The following ZBTB40 variants were observed in gnomAD, a reference collection of about 807,000 sequenced individuals.
ZBTB40 encodes zinc finger and BTB domain-containing protein 40.
In ZBTB40, 60 loss-of-function variants were observed where a neutral mutation model predicts 117.5. The ratio of observed to expected loss-of-function variants is 0.51; its 90% CI spans 0.41 to 0.63. The LOEUF is 0.63. Among genes scored for constraint, ZBTB40 ranks in the 30% least tolerant of loss-of-function variants. The pLI, the probability that ZBTB40 is intolerant of heterozygous loss-of-function variation, is 0.00. For synonymous variants in ZBTB40, 525 were observed against 577.1 expected (o/e 0.91, Z 1.29); for missense variants, 1,287 against 1,498.5 (o/e 0.86, Z 2.33).
intron 1 of ZBTB40, chr1:22,452,768 G>T (rs1640911843): frequency 6.6e-6 from 1 of 152,102 alleles, no homozygotes; most frequent in African/African-American, 2.4e-5. Context: ...AAAACTGCGC[G>T]ATGCACCGAG....
rs199547454 is a variant in ZBTB40 at position 22,526,410 on chromosome 1, C to T, written c.*14C>T. The stretch of plus-strand genomic sequence containing the variant: ...GAGGCCAAATGAGCAGCCTTTCATC[C>T]GGCAGAGCCTTCCTGCGTTTGCAGC... On this transcript the variant is annotated 3_prime_UTR_variant, in exon 18 of 18. Transcript: ENST00000375647. The T allele has an allele frequency of 1.1e-3, 1,821 of 1,613,676 alleles. 6 individuals are homozygous for T. Among genetic ancestry groups the T allele is most frequent in the Non-Finnish European group, 1.3e-3 (1,590 of 1,180,010 alleles).
At chr1:22,446,725 C>T (rs928582779) in intron 1 of ZBTB40, among the ~76,000 whole-genome samples, 5 of 151,878 alleles carry the variant, frequency 3.3e-5, no homozygotes, top group East Asian at 1.9e-4. Flanking sequence ...CTTTCTCAGA[C>T]GAACAAAAAT....
At chr1:22,484,165 A>G (rs1303069388) in intron 1 of ZBTB40, among the ~76,000 whole-genome samples, 2 of 152,222 alleles carry the variant, frequency 1.3e-5, no homozygotes, top group African/African-American at 4.8e-5. Context: ...TTAAAATAGT[A>G]AATGTTGAAG....
At chr1:22,482,527 A>C (rs1240363107) in intron 1 of ZBTB40, among the ~76,000 whole-genome samples, 2 of 152,142 alleles carry the variant, frequency 1.3e-5, no homozygotes, top group African/African-American at 4.8e-5. Context: ...ATCAGGGTTC[A>C]CTGTTGGTGT....
At position 22,430,806 on chromosome 1, in the gene ZBTB40, G is replaced by A. The variant is rs537700332; in HGVS notation, c.-70+1792G>A. ...TTTATATATTGTCCTTACCCCATGGGTTAATTAGAGATATAGTTTTTAGTT... is the reference window on the plus strand; with the variant it reads ...TTTATATATTGTCCTTACCCCATGGATTAATTAGAGATATAGTTTTTAGTT... On this transcript the variant is annotated intron_variant, in intron 1 of 8. Coordinates refer to the ZBTB40 transcript ENST00000650433. 3.9e-5 allele frequency among the ~76,000 whole-genome samples: 6 copies of A among 152,140 alleles called. No homozygotes were observed. The South Asian group carries it at 1.2e-3, about 32-fold the overall frequency.
intron 1 of ZBTB40, among the ~76,000 whole-genome samples, chr1:22,437,928 C>T (rs568722910): frequency 2.6e-3 from 395 of 151,570 alleles, no homozygotes; most frequent in Non-Finnish European, 3.6e-3. Context: ...GTCGGGAGTT[C>T]GAGACCAGCC....
chr1:22,489,161 A>G lies in ZBTB40; in HGVS notation c.-69-719A>G, dbSNP rs371225261. Among the ~76,000 whole-genome samples, 58 of 152,298 alleles carry G rather than the reference A, an allele frequency of 3.8e-4. 1 individual carries two copies. Among genetic ancestry groups the G allele is most frequent in the African/African-American group, 1.3e-3 (55 of 41,558 alleles). On this transcript the variant is annotated intron_variant, in intron 1 of 17. Coordinates refer to ENST00000375647, the MANE Select transcript of ZBTB40 (RefSeq NM_014870.4). Reference sequence around the variant, plus strand: ...AGTTGGAGGTCTACATCAGGAGTTCAGAGGAACAGGCTGAGCCAGAGACAT... The same window carrying G: ...AGTTGGAGGTCTACATCAGGAGTTCGGAGGAACAGGCTGAGCCAGAGACAT...
intron 8 of ZBTB40, 88 bp downstream of exon 8, chr1:22,508,819 T>A: frequency 7.3e-7 from 1 of 1,365,754 alleles, no homozygotes; most frequent in Non-Finnish European, 1.0e-6. Flanking sequence ...CTCTTAACGG[T>A]AGTCACCTAC....
intron 1 of ZBTB40, among the ~76,000 whole-genome samples, chr1:22,457,817 C>T (rs541731402): frequency 1.2e-4 from 19 of 152,312 alleles, no homozygotes; most frequent in African/African-American, 3.8e-4. Context: ...CTGCTAATTT[C>T]GTCCTATTTC....
intron 1 of ZBTB40, among the ~76,000 whole-genome samples, chr1:22,437,684 C>T (rs1016848728): frequency 8.6e-5 from 13 of 151,808 alleles, no homozygotes; most frequent in African/African-American, 1.2e-4. Context: ...CCTCCCAAAG[C>T]GCTGGGATTA....
At chr1:22,500,240 A>C (rs1489042836) in intron 3 of ZBTB40, among the ~76,000 whole-genome samples, 1 of 152,152 alleles carries the variant, frequency 6.6e-6, no homozygotes, top group Non-Finnish European at 1.5e-5. Flanking sequence ...TGTTTATTTT[A>C]CCACTGGGGT....
At chr1:22,449,608 T>C (rs1640831665), upstream of ZBTB40, among the ~76,000 whole-genome samples, 1 of 152,246 alleles carries the variant, frequency 6.6e-6, no homozygotes, top group African/African-American at 2.4e-5. Flanking sequence ...TGGGGTGTGT[T>C]GGGAGATGTC....
chr1:22,450,626 A>G (rs1021537740), upstream of ZBTB40, among the ~76,000 whole-genome samples: 16 of 152,130 alleles, frequency 1.1e-4, no homozygotes, highest in African/African-American at 3.9e-4. Context: ...CTGGGCAAAC[A>G]AAGTGCTATT....
Position 22,526,334 on chromosome 1 carries a change from G to A in ZBTB40, c.3658G>A (p.Ala1220Thr). The change falls in exon 18 of 18, where the codon GCG becomes ACG. Residue 1220 changes from alanine to threonine, a missense_variant. Around this residue, in one of 2 missense-constraint regions of ZBTB40, gnomAD observed 417 missense variants for 564.1 expected, o/e 0.74. Coordinates refer to ENST00000375647, the MANE Select transcript of ZBTB40 (RefSeq NM_014870.4). ...QASQASSELV[A>T]VTVEDLLDGT... ...ATCTCAGGCCAGCTCTGAGCTCGTG[G>A]CGGTGACTGTGGAGGACTTGCTGGA... 6.2e-7 allele frequency: 1 copy of A among 1,614,216 alleles called. No individual in the cohort carries two copies. The highest frequency in any genetic ancestry group is 8.5e-7 in the Non-Finnish European group (1 of 1,180,044).
intron 1 of ZBTB40, among the ~76,000 whole-genome samples, chr1:22,465,588 G>A (rs561085492): frequency 6.6e-6 from 1 of 152,208 alleles, no homozygotes; most frequent in African/African-American, 2.4e-5. Context: ...TCTGCCTGCT[G>A]TTGTTCATGG....
chr1:22,443,497 C>T (rs949306061), intron 1 of ZBTB40, among the ~76,000 whole-genome samples: 2 of 152,254 alleles, frequency 1.3e-5, no homozygotes, highest in African/African-American at 4.8e-5. Flanking sequence ...GAGTTGAAGT[C>T]AGCAGAAAGA....
chr1:22,462,800 A>C (rs1293219725), intron 1 of ZBTB40, among the ~76,000 whole-genome samples: 2 of 152,228 alleles, frequency 1.3e-5, no homozygotes, highest in African/African-American at 4.8e-5. Context: ...TTCCTGGCTT[A>C]GTCTCATTCC....
intron 1 of ZBTB40, among the ~76,000 whole-genome samples, chr1:22,468,303 A>G (rs1641306972): frequency 6.6e-6 from 1 of 151,840 alleles, no homozygotes; most frequent in African/African-American, 2.4e-5. Flanking sequence ...CTAAAACACT[A>G]TTTCCCAATT....
intron 1 of ZBTB40, among the ~76,000 whole-genome samples, chr1:22,464,144 A>G (rs1002118917): frequency 6.6e-6 from 1 of 152,380 alleles, no homozygotes; most frequent in Middle Eastern, 3.4e-3. Flanking sequence ...CAGCCCAATG[A>G]GAAAGGTACT....
Sources: allele counts gnomAD v4.1 joint callset (sites outside exome capture counted in the v4.1 genomes callset), GRCh38; gene constraint gnomAD v4.1.1; regional missense constraint gnomAD v4.1.1; transcripts MANE v1.5; gene names NCBI Gene and HGNC (gene_info 2026-07-23, HGNC 2026-07-21).